The following NEK11 variants were observed in gnomAD, a reference collection of about 807,000 sequenced individuals.
The protein encoded by NEK11 is NIMA related kinase 11.
NEK11 carries 72 observed loss-of-function variants against 80.7 expected under a neutral mutation model. The ratio of observed to expected loss-of-function variants is 0.89; its 90% CI spans 0.74 to 1.08. The LOEUF (loss-of-function observed/expected upper bound fraction) is 1.08. NEK11 is among the 50% of genes least tolerant of loss of function. The pLI, the probability that NEK11 is intolerant of heterozygous loss-of-function variation, is 0.00. For synonymous variants in NEK11, 251 were observed against 260.7 expected (o/e 0.96, Z 0.36); for missense variants, 764 against 763.6 (o/e 1.00, Z -0.01).
chr3:131,221,549 G>C (rs1009296204), intron 14 of NEK11, among the ~76,000 whole-genome samples: 4 of 152,150 alleles, frequency 2.6e-5, no homozygotes, highest in Admixed American at 6.6e-5. Flanking sequence ...AAAACCATCT[G>C]GGATGGTGGT....
chr3:131,170,163 A>G (rs1467550657), intron 13 of NEK11, among the ~76,000 whole-genome samples: 1 of 152,254 alleles, frequency 6.6e-6, no homozygotes, highest in Non-Finnish European at 1.5e-5. Flanking sequence ...CACCAGCTCC[A>G]GGTTCAAACA....
At chr3:131,190,962 G>A (rs148339825) in intron 14 of NEK11, among the ~76,000 whole-genome samples, 1,958 of 152,194 alleles carry the variant, frequency 0.013, 59 homozygotes, top group African/African-American at 0.045. Flanking sequence ...TCAATTAATA[G>A]TATCTAAAAG....
At chr3:131,045,799 A>T (rs1415498791) in intron 3 of NEK11, among the ~76,000 whole-genome samples, 9 of 152,064 alleles carry the variant, frequency 5.9e-5, no homozygotes, top group Admixed American at 5.9e-4. Flanking sequence ...TGTTGGGTGC[A>T]TGTATGTTTA....
intron 3 of NEK11, among the ~76,000 whole-genome samples, chr3:131,052,127 T>C (rs1358654280): frequency 4.3e-5 from 2 of 46,122 alleles, no homozygotes; most frequent in Non-Finnish European, 1.2e-4. Flanking sequence ...CACTTCTGGT[T>C]TTTTTTGTTT....
intron 7 of NEK11, among the ~76,000 whole-genome samples, chr3:131,142,662 G>A (rs549289816): frequency 4.8e-4 from 73 of 152,280 alleles, no homozygotes; most frequent in African/African-American, 1.7e-3. Context: ...TTCCTAAGCT[G>A]TATGGTTTGC....
At chr3:131,175,041 T>A (rs1419017105) in intron 14 of NEK11, 1 of 1,269,792 alleles carries the variant, frequency 7.9e-7, no homozygotes, top group Non-Finnish European at 9.9e-7. Flanking sequence ...GAGCCCCACA[T>A]GCCCTTTACA....
Position 131,230,855 on chromosome 3 carries a change from G to A in NEK11, c.1560+2167G>A, listed in dbSNP as rs62280799. 4.9e-3 allele frequency among the ~76,000 whole-genome samples: 750 copies of A among 152,244 alleles called. 1 individual carries two copies. Among genetic ancestry groups the A allele is most frequent in the Non-Finnish European group, 8.1e-3 (550 of 68,006 alleles). On this transcript the variant is annotated intron_variant, in intron 15 of 17. Transcript: ENST00000383366. ...CCATGTGTTATGGGAGGGACATGGT[G>A]GGAGATAATTGAATGATGGGGTGGT...
chr3:131,345,120 TTTGA>T (rs1395765735), intron 17 of NEK11, among the ~76,000 whole-genome samples: 3 of 152,232 alleles, frequency 2.0e-5, no homozygotes, highest in Non-Finnish European at 4.4e-5. Context: ...CAACTCTTGG[TTTGA>T]TTAATTTTTT....
chr3:131,179,768 G>A (rs1257536820), intron 14 of NEK11, among the ~76,000 whole-genome samples: 2 of 152,184 alleles, frequency 1.3e-5, no homozygotes, highest in South Asian at 4.1e-4. Flanking sequence ...CCTCTGAAAT[G>A]GAGATGCATC....
In NEK11 at chr3:131,274,204, C is replaced by T. The variant is rs1407253364; in HGVS notation, c.1718+630C>T. 1.2e-4 allele frequency among the ~76,000 whole-genome samples: 18 copies of T among 146,162 alleles called. No homozygotes were observed. The East Asian group carries it at 1.4e-3, about 12-fold the overall frequency. On this transcript the variant is annotated intron_variant, in intron 17 of 17. Coordinates refer to ENST00000383366, the MANE Select transcript of NEK11 (RefSeq NM_024800.5). ...ATTCCCACCTATGAGTGAGAATATG[C>T]GGTGTTTGGTTTTTTGTTCTTGCGA...
At chr3:131,085,890 T>C (rs2075909111) in intron 4 of NEK11, among the ~76,000 whole-genome samples, 2 of 152,192 alleles carry the variant, frequency 1.3e-5, no homozygotes, top group African/African-American at 4.8e-5. Context: ...TTCTTTAGTC[T>C]CCTCTAATCT....
chr3:131,347,385 A>T (rs1027949144), intron 17 of NEK11, among the ~76,000 whole-genome samples: 4 of 152,252 alleles, frequency 2.6e-5, no homozygotes, highest in Admixed American at 6.5e-5. Context: ...TAGAAATGTT[A>T]GTTAAAATTA....
intron 12 of NEK11, 57 bp from the exon 13 acceptor site, chr3:131,168,773 A>G (rs1389868227): frequency 3.1e-6 from 4 of 1,284,408 alleles, no homozygotes; most frequent in African/African-American, 3.0e-5. Context: ...CTTCACCTCT[A>G]GATGAAGAAA....
chr3:131,042,700 C>G (rs911347898), intron 3 of NEK11, among the ~76,000 whole-genome samples: 6 of 152,190 alleles, frequency 3.9e-5, no homozygotes, highest in Admixed American at 6.5e-5. Context: ...CAGACTTAAA[C>G]GTTCCTGCCT....
chr3:131,342,099 G>C (rs2097295550), intron 17 of NEK11, among the ~76,000 whole-genome samples: 1 of 152,184 alleles, frequency 6.6e-6, no homozygotes, highest in East Asian at 1.9e-4. Flanking sequence ...AAGTGCCATT[G>C]ACAGAAAGAG....
chr3:131,257,192 T>C (rs1376067873), intron 16 of NEK11, among the ~76,000 whole-genome samples: 1 of 151,464 alleles, frequency 6.6e-6, no homozygotes, highest in Non-Finnish European at 1.5e-5. Context: ...GATGGGGTTT[T>C]GCCATGTTGC....
chr3:131,127,753 C>CTTTTCTCTGGAAAGGATTTATATTTTT (rs71133689), intron 5 of NEK11, among the ~76,000 whole-genome samples: 27,791 of 151,788 alleles, frequency 0.18, 2,619 homozygotes, highest in Middle Eastern at 0.21. Context: ...GATGATATTA[C>CTTTTCTCTGGAAAGGATTTATATTTTT]TTTTCTCTGC....
chr3:131,217,222 T>C (rs568129084), intron 14 of NEK11, among the ~76,000 whole-genome samples: 6 of 152,278 alleles, frequency 3.9e-5, no homozygotes, highest in African/African-American at 1.4e-4. Flanking sequence ...ATATGTTGAA[T>C]TGAAGTTTTG....
chr3:131,060,111 ATAT>A (rs2070545794), intron 3 of NEK11, among the ~76,000 whole-genome samples: 1 of 152,200 alleles, frequency 6.6e-6, no homozygotes, highest in African/African-American at 2.4e-5. Flanking sequence ...TGAACACAGA[ATAT>A]TATGGATATT....
Sources: gnomAD v4.1 joint callset for allele counts (sites outside exome capture counted in the v4.1 genomes callset) on GRCh38, gnomAD v4.1.1 for gene constraint, MANE v1.5 for transcripts, NCBI Gene and HGNC (gene_info 2026-07-23, HGNC 2026-07-21) for gene names.